Variants in VIPR1 observed in about 807,000 individuals in gnomAD.
VIPR1 encodes vasoactive intestinal polypeptide receptor 1.
Under a neutral mutation model 58.8 loss-of-function variants are expected in VIPR1, and 59 were observed. The observed-to-expected ratio is 1.00, with a 90% CI of 0.81 to 1.25. The LOEUF is 1.25. Among genes scored for constraint, VIPR1 ranks in the 50% most tolerant of loss-of-function variants. VIPR1 has a pLI of 0.00. For synonymous variants in VIPR1, 251 were observed against 242.1 expected, an observed-to-expected ratio of 1.04 and a Z score of -0.34; for missense variants, 626 against 602.7, an observed-to-expected ratio of 1.04 and a Z score of -0.40.
At chr3:42,527,678 G>A (rs555437889) in intron 5 of VIPR1, 182 bp downstream of exon 5, 5 of 665,014 alleles carry the variant, frequency 7.5e-6, no homozygotes, top group Non-Finnish European at 1.3e-5. Context: ...GCTCTTCCAT[G>A]TGTTGCAGCC....
At position 42,530,916 on chromosome 3, in the gene VIPR1, C is replaced by A. The variant is rs1460841281; in HGVS notation, c.774C>A (p.Tyr258Ter). 6.2e-7 allele frequency: 1 copy of A among 1,614,018 alleles called. No homozygotes were observed. Among genetic ancestry groups the A allele is most frequent in the Non-Finnish European group, 8.5e-7 (1 of 1,179,926 alleles). ...CTGAGCGGAAGTACTTCTGGGGGTA[C>A]ATACTCATCGGCTGGGGTATGGTAC... ...FFSERKYFWGYILIGWGVPST... is the reference protein window; with the variant it reads ...FFSERKYFWG Residue 258 changes from tyrosine to a stop codon, truncating the protein, a stop_gained, in exon 7 of 13, where the codon TAC becomes TAA. Coordinates refer to ENST00000325123, the MANE Select transcript of VIPR1 (RefSeq NM_004624.4). LOFTEE classifies it high-confidence loss of function.
chr3:42,505,040 C>G (rs1364382083), intron 1 of VIPR1, among the ~76,000 whole-genome samples: 1 of 152,062 alleles, frequency 6.6e-6, no homozygotes, highest in Non-Finnish European at 1.5e-5. Context: ...CATCCAGAAG[C>G]AGAGCTGCTC....
intron 1 of VIPR1, among the ~76,000 whole-genome samples, chr3:42,511,276 C>A (rs1421274774): frequency 6.6e-6 from 1 of 152,216 alleles, no homozygotes; most frequent in African/African-American, 2.4e-5. Flanking sequence ...AGCTTGAGCC[C>A]TTGCTTCCTT....
At chr3:42,525,066 G>T (rs1701156702) in intron 3 of VIPR1, among the ~76,000 whole-genome samples, 1 of 151,974 alleles carries the variant, frequency 6.6e-6, no homozygotes, top group Admixed American at 6.6e-5. Context: ...GTGATGAACG[G>T]GTACTGAGAT....
At chr3:42,511,937 C>A (rs771160304) in intron 1 of VIPR1, 1 of 152,212 alleles carries the variant, frequency 6.6e-6, no homozygotes, top group African/African-American at 2.4e-5. Context: ...AAGCACATGA[C>A]CCCAAAGAGG....
In VIPR1 at chr3:42,528,120, C is replaced by T. The variant is rs1268978885; in HGVS notation, c.633C>T (p.Gly211=). Residue 211 remains glycine, a synonymous_variant, in exon 6 of 13, where the codon GGC becomes GGT. Coordinates refer to ENST00000325123, the MANE Select transcript of VIPR1 (RefSeq NM_004624.4). ...DSGESDQCSE[G]SVGCKAAMVF... ...GGGAGTCGGACCAGTGCTCCGAGGG[C>T]TCGGTGAGGATCCTGGCCCTGGCCC... is the stretch of plus-strand genomic sequence containing the variant. The T allele has an allele frequency of 6.2e-7, 1 of 1,613,358 alleles. No homozygotes were observed. Among genetic ancestry groups the T allele is most frequent in the Non-Finnish European group, 8.5e-7 (1 of 1,179,796 alleles).
chr3:42,513,619 G>C, intron 1 of VIPR1, 130 bp from the exon 2 acceptor site: 1 of 950,024 alleles, frequency 1.1e-6, no homozygotes, highest in Non-Finnish European at 1.6e-6. Flanking sequence ...TTCAGTCTTG[G>C]GTTGGTATTG....
intron 1 of VIPR1, among the ~76,000 whole-genome samples, chr3:42,489,882 T>A (rs947747496): frequency 6.6e-6 from 1 of 152,016 alleles, no homozygotes; most frequent in Non-Finnish European, 1.5e-5. Context: ...GCCTTCTGCT[T>A]TCTACCTTCT....
chr3:42,495,431 A>C (rs1297496165), intron 1 of VIPR1, among the ~76,000 whole-genome samples: 1 of 152,096 alleles, frequency 6.6e-6, no homozygotes, highest in African/African-American at 2.4e-5. Flanking sequence ...TGCTGTAGAC[A>C]TTTTTTAAAG....
In VIPR1 at chr3:42,503,342, C is replaced by T. The variant is rs374863041; in HGVS notation, c.78+529C>T. Among the ~76,000 whole-genome samples, 295 of 152,240 alleles carry T rather than the reference C, an allele frequency of 1.9e-3. 1 individual carries two copies. Among genetic ancestry groups the T allele is most frequent in the African/African-American group, 6.7e-3 (278 of 41,516 alleles). Reference sequence around the variant, plus strand: ...TGACAGGCACATCCCTCCGTGTGCCCTCCCACTGAGCAAAGCAAAAAGGTA... The same window carrying T: ...TGACAGGCACATCCCTCCGTGTGCCTTCCCACTGAGCAAAGCAAAAAGGTA... On this transcript the variant is annotated intron_variant, in intron 1 of 12. Transcript: ENST00000325123.
chr3:42,519,472 T>A (rs1167213112), intron 3 of VIPR1, 142 bp downstream of exon 3: 2 of 579,402 alleles, frequency 3.5e-6, no homozygotes, highest in East Asian at 6.7e-5. Context: ...GAGGCAATGG[T>A]GCTGGGTCTT....
At chr3:42,532,490 ACCATCCCCTGCT>A (rs1701624796) in intron 10 of VIPR1, 157 bp downstream of exon 10, 2 of 754,584 alleles carry the variant, frequency 2.7e-6, no homozygotes, top group Non-Finnish European at 4.5e-6. Flanking sequence ...TCAGCCCACC[ACCATCCCCTGCT>A]CCAGCCCCAC....
intron 2 of VIPR1, among the ~76,000 whole-genome samples, chr3:42,515,333 C>G (rs1317420931): frequency 6.6e-6 from 1 of 152,194 alleles, no homozygotes; most frequent in African/African-American, 2.4e-5. Context: ...CCCCTTGACT[C>G]TAGGGCCCAG....
chr3:42,512,782 G>C, intron 1 of VIPR1: 3 of 985,446 alleles, frequency 3.0e-6, no homozygotes, highest in Non-Finnish European at 3.6e-6. Context: ...TGGGGTTGCC[G>C]GGGCCAGCAA....
At position 42,530,466 on chromosome 3, in the gene VIPR1, G is replaced by A. The variant is rs540184194; in HGVS notation, c.637-313G>A. Reference sequence around the variant, plus strand: ...ATAGTGAATGTCTAGTGGGTGAGTGGGTAAATAAATGGATACATGGATAGG... The same window carrying A: ...ATAGTGAATGTCTAGTGGGTGAGTGAGTAAATAAATGGATACATGGATAGG... On this transcript the variant is annotated intron_variant, in intron 6 of 12. Transcript: ENST00000325123. 1.4e-5 allele frequency: 4 copies of A among 286,950 alleles called. No individual in the cohort carries two copies. In the East Asian group the frequency reaches 2.6e-4, roughly 19 times the overall value. 17.8% of individuals were successfully genotyped at this position (286,950 alleles called of 1,614,324 possible).
At position 42,516,345 on chromosome 3, in the gene VIPR1, T is replaced by C. The variant is rs371084834; in HGVS notation, c.184+2491T>C. ...AACAGGCCATTCCAGGTACCAAGTATATTCATGGCTGTCACCCCGTCCCCT... is the reference window on the plus strand; with the variant it reads ...AACAGGCCATTCCAGGTACCAAGTACATTCATGGCTGTCACCCCGTCCCCT... On this transcript the variant is annotated intron_variant, in intron 2 of 12. Transcript: ENST00000325123. Among the ~76,000 whole-genome samples, 6 of 152,304 alleles carry C rather than the reference T, an allele frequency of 3.9e-5. No homozygotes were observed. The East Asian group carries it at 7.7e-4, about 20-fold the overall frequency.
intron 1 of VIPR1, chr3:42,512,771 G>T: frequency 1.7e-5 from 17 of 985,520 alleles, no homozygotes; most frequent in Non-Finnish European, 2.0e-5. Flanking sequence ...GGAAACTGGT[G>T]TGGGGTTGCC....
rs2125675512 is a variant in VIPR1 at position 42,530,825 on chromosome 3, C to T, written c.683C>T (p.Ala228Val). 1 of 1,614,134 alleles carries T rather than the reference C, an allele frequency of 6.2e-7. No individual in the cohort carries two copies. Among genetic ancestry groups the T allele is most frequent in the Non-Finnish European group, 8.5e-7 (1 of 1,179,984 alleles). Residue 228 changes from alanine (A) to valine (V), a missense_variant, in exon 7 of 13, where the codon GCT becomes GTT. Physicochemically the swap from Ala to Val is moderately conservative, Grantham distance 64. Coordinates refer to ENST00000325123, the MANE Select transcript of VIPR1 (RefSeq NM_004624.4). ...AMVFFQYCVM[A>V]NFFWLLVEGL... ...GTCTTTTTCCAATATTGTGTCATGG[C>T]TAACTTCTTCTGGCTGCTGGTGGAG...
chr3:42,509,670 G>C (rs1004120006), intron 1 of VIPR1: 2 of 152,244 alleles, frequency 1.3e-5, no homozygotes, highest in Admixed American at 1.3e-4. Flanking sequence ...GAGTTCCTAA[G>C]CCCAGAAGGG....
Sources: allele counts gnomAD v4.1 joint callset (sites outside exome capture counted in the v4.1 genomes callset), GRCh38; gene constraint gnomAD v4.1.1; transcripts MANE v1.5; gene names NCBI Gene and HGNC (gene_info 2026-07-23, HGNC 2026-07-21).